Variants in FBXO31 observed in about 807,000 individuals in gnomAD.
The protein encoded by FBXO31 is F-box protein 31, also known as F-box only protein 31.
In FBXO31, 24 loss-of-function variants were observed where a neutral mutation model predicts 54.4. The observed-to-expected ratio is 0.44, with a 90% CI of 0.32 to 0.62. FBXO31 has a LOEUF of 0.62. Ranked by LOEUF, FBXO31 falls within the 20% of genes least tolerant of loss-of-function variation. FBXO31 has a pLI of 0.05. For missense variants in FBXO31, 665 were observed against 787.1 expected, an observed-to-expected ratio of 0.84 and a Z score of 1.86; for synonymous variants, 388 against 335.6, an observed-to-expected ratio of 1.16 and a Z score of -1.71.
intron 1 of FBXO31, among the ~76,000 whole-genome samples, chr16:87,377,768 G>A (rs986049508): frequency 1.3e-5 from 2 of 151,612 alleles, no homozygotes; most frequent in Admixed American, 1.3e-4. Flanking sequence ...GGTTGAGGCT[G>A]TAGTGAGCTG....
At chr16:87,339,597 C>G (rs1257779290) in intron 5 of FBXO31, among the ~76,000 whole-genome samples, 1 of 152,216 alleles carries the variant, frequency 6.6e-6, no homozygotes, top group East Asian at 1.9e-4. Context: ...GGCACCCTCA[C>G]CCTGTCAACT....
chr16:87,337,132 G>A (rs1905064585), intron 5 of FBXO31, among the ~76,000 whole-genome samples: 1 of 152,060 alleles, frequency 6.6e-6, no homozygotes, highest in Admixed American at 6.6e-5. Flanking sequence ...GAAGCCACCT[G>A]GATTTTTATG....
intron 1 of FBXO31, among the ~76,000 whole-genome samples, chr16:87,364,119 T>A (rs1906253154): frequency 6.6e-6 from 1 of 152,168 alleles, no homozygotes; most frequent in Non-Finnish European, 1.5e-5. Flanking sequence ...CAATCTGTCC[T>A]TCCAAGTGAT....
At chr16:87,332,120 C>T (rs1372299236) in intron 8 of FBXO31, among the ~76,000 whole-genome samples, 2 of 152,230 alleles carry the variant, frequency 1.3e-5, no homozygotes, top group Non-Finnish European at 2.9e-5. Context: ...GAATCACCCA[C>T]TGAGGCTCCA....
upstream of FBXO31, among the ~76,000 whole-genome samples, chr16:87,386,578 C>T (rs374113290): frequency 1.6e-4 from 24 of 152,296 alleles, no homozygotes; most frequent in African/African-American, 5.1e-4. Flanking sequence ...GGATTACAGG[C>T]GAGTGCCACC....
chr16:87,373,012 G>A (rs1313919396), intron 1 of FBXO31, among the ~76,000 whole-genome samples: 3 of 148,620 alleles, frequency 2.0e-5, no homozygotes, highest in Non-Finnish European at 4.5e-5. Flanking sequence ...TGGGATTACA[G>A]GCGTGAGCCA....
intron 2 of FBXO31, among the ~76,000 whole-genome samples, chr16:87,350,061 C>G (rs1905581147): frequency 6.6e-6 from 1 of 152,194 alleles, no homozygotes; most frequent in Admixed American, 6.5e-5. Flanking sequence ...TTTATGTCTG[C>G]TGTCCTGCAC....
intron 2 of FBXO31, among the ~76,000 whole-genome samples, chr16:87,354,942 G>T (rs1444265238): frequency 6.6e-6 from 1 of 152,222 alleles, no homozygotes; most frequent in Non-Finnish European, 1.5e-5. Context: ...ACTCCAGCCT[G>T]GGTGACACTG....
At chr16:87,350,006 A>G (rs1244796104) in intron 2 of FBXO31, among the ~76,000 whole-genome samples, 1 of 152,140 alleles carries the variant, frequency 6.6e-6, no homozygotes, top group African/African-American at 2.4e-5. Flanking sequence ...CAGTAATCCC[A>G]TCACTCAGAG....
At chr16:87,385,048 A>G (rs1454132183), upstream of FBXO31, among the ~76,000 whole-genome samples, 2 of 151,630 alleles carry the variant, frequency 1.3e-5, no homozygotes, top group Admixed American at 1.3e-4. Flanking sequence ...GGCCAGGCGC[A>G]GTGGCTCACG....
chr16:87,334,988 C>T (rs988354553), intron 7 of FBXO31, among the ~76,000 whole-genome samples: 1 of 152,212 alleles, frequency 6.6e-6, no homozygotes, highest in South Asian at 2.1e-4. Context: ...AAATCTGAGC[C>T]TCTGTGTGGG....
intron 1 of FBXO31, among the ~76,000 whole-genome samples, chr16:87,369,750 T>G (rs1033177747): frequency 4.6e-5 from 7 of 152,260 alleles, no homozygotes; most frequent in Non-Finnish European, 1.0e-4. Flanking sequence ...ACTACAATAC[T>G]GTTTTCCACA....
intron 1 of FBXO31, among the ~76,000 whole-genome samples, chr16:87,368,624 CTTT>C (rs201112757): frequency 1.8e-4 from 24 of 133,656 alleles, no homozygotes; most frequent in Admixed American, 2.3e-4. Flanking sequence ...AATCTATTTC[CTTT>C]TTTTTTTTTT....
chr16:87,352,099 G>A (rs1427043283), intron 2 of FBXO31, among the ~76,000 whole-genome samples: 1 of 152,164 alleles, frequency 6.6e-6, no homozygotes, highest in Non-Finnish European at 1.5e-5. Context: ...TGGCCAAGCT[G>A]AGCAGCTCAG....
chr16:87,369,437 G>A (rs775820725), intron 1 of FBXO31, among the ~76,000 whole-genome samples: 7 of 152,182 alleles, frequency 4.6e-5, no homozygotes, highest in African/African-American at 7.2e-5. Flanking sequence ...GAAGCATGCC[G>A]TACTTGTCCT....
chr16:87,391,703 G>A (rs2150707192), upstream of FBXO31: 1 of 152,440 alleles, frequency 6.6e-6, no homozygotes, highest in East Asian at 1.9e-4. Flanking sequence ...CCAAGGCTGG[G>A]CGTCGAGTGA....
chr16:87,349,501 G>A (rs576636292), intron 2 of FBXO31, among the ~76,000 whole-genome samples: 1 of 152,280 alleles, frequency 6.6e-6, no homozygotes, highest in Admixed American at 6.5e-5. Flanking sequence ...TGGATCACGA[G>A]GAGTTCGAGA....
intron 1 of FBXO31, among the ~76,000 whole-genome samples, chr16:87,377,806 G>A (rs944105427): frequency 1.3e-5 from 2 of 151,312 alleles, no homozygotes; most frequent in African/African-American, 4.9e-5. Flanking sequence ...TCTAGCCTGG[G>A]TGACAGAAAG....
intron 1 of FBXO31, among the ~76,000 whole-genome samples, chr16:87,366,031 A>C (rs1470040173): frequency 6.6e-6 from 1 of 152,152 alleles, no homozygotes; most frequent in Non-Finnish European, 1.5e-5. Context: ...TGCTTCTCAA[A>C]AACACAAAAC....
Sources: allele counts gnomAD v4.1 joint callset (sites outside exome capture counted in the v4.1 genomes callset), GRCh38; gene constraint gnomAD v4.1.1; transcripts MANE v1.5; gene names NCBI Gene and HGNC (gene_info 2026-07-23, HGNC 2026-07-21).